The following FBXW11 variants were observed in gnomAD, a reference collection of about 807,000 sequenced individuals.
FBXW11 encodes the protein F-box and WD repeat domain containing 11.
FBXW11 carries 19 observed loss-of-function variants against 77.6 expected under a neutral mutation model. That is an observed-to-expected ratio of 0.24 (90% CI 0.17 to 0.36). The LOEUF is 0.36. FBXW11 is among the 10% of genes least tolerant of loss of function. The pLI is 1.00. For synonymous variants in FBXW11, 235 were observed against 249.4 expected (o/e 0.94, Z 0.54); for missense variants, 334 against 704.2 (o/e 0.47, Z 5.95).
intron 10 of FBXW11, 31 bp downstream of exon 10, chr5:171,872,841 C>T: frequency 6.5e-7 from 1 of 1,543,116 alleles, no homozygotes; most frequent in Non-Finnish European, 9.0e-7. Flanking sequence ...AAAAATCAGC[C>T]TGCTCTGTCA....
At chr5:171,956,517 G>C (rs986003300) in intron 2 of FBXW11, among the ~76,000 whole-genome samples, 3 of 152,136 alleles carry the variant, frequency 2.0e-5, no homozygotes, top group Non-Finnish European at 4.4e-5. Flanking sequence ...CCACACCAGT[G>C]CTACTCTGAA....
Position 171,876,187 on chromosome 5 carries a change from G to C in FBXW11, c.1221+98C>G. Reference sequence around the variant, plus strand: ...GTTCATAAGCACAGAGGAGAATAAAGATCTTGCCAGGTACCAGGTTGGTAT... The same window carrying C: ...GTTCATAAGCACAGAGGAGAATAAACATCTTGCCAGGTACCAGGTTGGTAT... On this transcript the variant is annotated intron_variant, in intron 9 of 13. Coordinates refer to ENST00000517395, the MANE Select transcript of FBXW11 (RefSeq NM_001378974.1). The surrounding 1 kb of genome is among the most constrained non-coding windows in gnomAD (Gnocchi z 4.2). 5 of 1,429,126 alleles carry C rather than the reference G, an allele frequency of 3.5e-6. No individual in the cohort carries two copies. Among genetic ancestry groups the C allele is most frequent in the South Asian group, 2.5e-5 (2 of 78,638 alleles). 88.5% of individuals were successfully genotyped at this position (1,429,126 alleles called of 1,614,324 possible). A position where few individuals can be genotyped will look rare whatever the true frequency, so the allele number is the denominator to read the frequency against.
intron 11 of FBXW11, among the ~76,000 whole-genome samples, chr5:171,870,502 C>A (rs1025201491): frequency 6.6e-6 from 1 of 152,088 alleles, no homozygotes; most frequent in African/African-American, 2.4e-5. Context: ...GAGTTGACAG[C>A]GATGATTCAA....
chr5:171,898,855 T>C, intron 6 of FBXW11, 149 bp downstream of exon 6: 1 of 466,310 alleles, frequency 2.1e-6, no homozygotes, highest in African/African-American at 2.0e-5. Flanking sequence ...GCAGATTATA[T>C]ACAACATGAC....
At chr5:171,938,524 A>G (rs577197896) in intron 2 of FBXW11, among the ~76,000 whole-genome samples, 167 of 152,370 alleles carry the variant, frequency 1.1e-3, no homozygotes, top group African/African-American at 3.8e-3. Flanking sequence ...AGCAGTGAGG[A>G]AATAGGTGCT....
chr5:171,875,268 A>G (rs1326233881), intron 9 of FBXW11, among the ~76,000 whole-genome samples: 2 of 151,976 alleles, frequency 1.3e-5, no homozygotes, highest in African/African-American at 4.8e-5. Context: ...AAAAAAAAAA[A>G]AAGAAGGGAC....
chr5:171,928,518 T>A (rs1221598674), intron 2 of FBXW11, among the ~76,000 whole-genome samples: 1 of 152,220 alleles, frequency 6.6e-6, no homozygotes, highest in Admixed American at 6.5e-5. Flanking sequence ...ACAAAGCTAT[T>A]GTAACCAAAA....
intron 7 of FBXW11, among the ~76,000 whole-genome samples, chr5:171,878,603 A>AGAGAGAGTGT (rs138423567): frequency 2.0e-4 from 26 of 128,582 alleles, no homozygotes; most frequent in African/African-American, 7.4e-4. Flanking sequence ...AGAGAGAGAG[A>AGAGAGAGTGT]GTGTGTGTGT....
intron 11 of FBXW11, 30 bp downstream of exon 11, chr5:171,870,718 G>T: frequency 6.9e-7 from 1 of 1,443,908 alleles, no homozygotes; most frequent in Non-Finnish European, 9.8e-7. Flanking sequence ...TACAGTTATA[G>T]CAGTACATCT....
chr5:171,995,182 G>A (rs1019190213), intron 1 of FBXW11, among the ~76,000 whole-genome samples: 1 of 152,140 alleles, frequency 6.6e-6, no homozygotes, highest in Non-Finnish European at 1.5e-5. Flanking sequence ...TGCCTTACTT[G>A]TAAGGATGAC....
intron 5 of FBXW11, 93 bp downstream of exon 5, chr5:171,899,821 G>T: frequency 8.8e-7 from 1 of 1,138,082 alleles, no homozygotes; most frequent in South Asian, 1.8e-5. Flanking sequence ...AAATAGGCCA[G>T]CACATTTGCA....
chr5:171,913,553 C>G (rs1394800330), intron 3 of FBXW11, among the ~76,000 whole-genome samples: 1 of 152,182 alleles, frequency 6.6e-6, no homozygotes. Context: ...CTCAGCCCAG[C>G]AAGCTCTTCC....
In FBXW11 at chr5:171,914,411, G is replaced by A. The variant is rs757502649; in HGVS notation, c.148-6C>T. ...TCTTCCATAACTGAAGTGTTCTAGG[G>A]GGGGAAAAACAGGTTATTTGAATTA... On this transcript the variant is annotated splice_polypyrimidine_tract_variant and splice_region_variant and intron_variant, in intron 2 of 13. Coordinates refer to ENST00000517395, the MANE Select transcript of FBXW11 (RefSeq NM_001378974.1). 8.2e-6 allele frequency: 13 copies of A among 1,576,382 alleles called. No homozygotes were observed. Among genetic ancestry groups the A allele is most frequent in the African/African-American group, 1.4e-5 (1 of 72,622 alleles).
intron 1 of FBXW11, among the ~76,000 whole-genome samples, chr5:171,959,737 C>CT (rs958385915): frequency 1.3e-5 from 2 of 151,734 alleles, no homozygotes; most frequent in African/African-American, 4.8e-5. Context: ...GTAATCCCAG[C>CT]TACTTGGGAG....
intron 1 of FBXW11, among the ~76,000 whole-genome samples, chr5:171,961,002 T>C (rs1763879444): frequency 1.3e-5 from 2 of 152,198 alleles, no homozygotes. Context: ...GATGCCAGTA[T>C]TTATTAGATG....
At chr5:171,979,651 G>A (rs114592194) in intron 1 of FBXW11, among the ~76,000 whole-genome samples, 1,918 of 152,142 alleles carry the variant, frequency 0.013, 45 homozygotes, top group African/African-American at 0.042. Context: ...GATCCCTACC[G>A]CAACCATAAA....
At chr5:171,880,457 T>A (rs756146465) in intron 7 of FBXW11, among the ~76,000 whole-genome samples, 2 of 152,160 alleles carry the variant, frequency 1.3e-5, no homozygotes, top group African/African-American at 2.4e-5. Flanking sequence ...CTGGTAGATA[T>A]CCACAAAATC....
intron 1 of FBXW11, among the ~76,000 whole-genome samples, chr5:172,002,672 ATTCGTTTCTTTCTTTT>A (rs1766480936): frequency 1.5e-5 from 2 of 133,914 alleles, no homozygotes; most frequent in Non-Finnish European, 3.3e-5. Flanking sequence ...AACTTCATTT[ATTCGTTTCTTTCTTTT>A]TTCTTTTCTT....
rs932855938 is a variant in FBXW11, at chr5:171,891,383, G to A, written c.852+84C>T. Reference sequence around the variant, plus strand: ...AGTGGAAGAGATAAAAACCAATCTAGAGTAAATGGAAAGATTGTCACATCT... The same window carrying A: ...AGTGGAAGAGATAAAAACCAATCTAAAGTAAATGGAAAGATTGTCACATCT... On this transcript the variant is annotated intron_variant, in intron 7 of 13. Coordinates refer to ENST00000517395, the MANE Select transcript of FBXW11 (RefSeq NM_001378974.1). The A allele has an allele frequency of 3.8e-6, 5 of 1,315,684 alleles. No individual in the cohort carries two copies. The African/African-American group carries it at 7.6e-5, about 20-fold the overall frequency. 81.5% of individuals were successfully genotyped at this position (1,315,684 alleles called of 1,614,324 possible).
Sources: allele counts gnomAD v4.1 joint callset (sites outside exome capture counted in the v4.1 genomes callset), GRCh38; gene constraint gnomAD v4.1.1; non-coding constraint Gnocchi (gnomAD v3.1); transcripts MANE v1.5; gene names NCBI Gene and HGNC (gene_info 2026-07-23, HGNC 2026-07-21).